The following DENND4C variants were observed in gnomAD, a reference collection of about 807,000 sequenced individuals.
DENND4C encodes the protein DENN domain-containing protein 4C.
Under a neutral mutation model 203.0 loss-of-function variants are expected in DENND4C, and 108 were observed. The ratio of observed to expected loss-of-function variants is 0.53; its 90% CI spans 0.46 to 0.62. DENND4C has a LOEUF of 0.62. DENND4C is among the 20% of genes least tolerant of loss of function. DENND4C has a pLI of 0.00. For missense variants in DENND4C, 2,481 were observed against 2,301.2 expected, an observed-to-expected ratio of 1.08 and a Z score of -1.60; for synonymous variants, 871 against 792.4, an observed-to-expected ratio of 1.10 and a Z score of -1.67.
chr9:19,341,307 CTTTCTTTTTT>C (rs1396771878), intron 21 of DENND4C, among the ~76,000 whole-genome samples, 193 bp downstream of exon 21: 1 of 132,670 alleles, frequency 7.5e-6, no homozygotes, highest in African/African-American at 2.9e-5. Flanking sequence ...AACTTTCTTT[CTTTCTTTTTT>C]TTTTTTTTTT....
At position 19,360,624 on chromosome 9, in the gene DENND4C, G is replaced by A. The variant is rs1826260512; in HGVS notation, c.5406+135G>A. ...TCTCACTTAAAAGTTTGGATAAGCA[G>A]TCCTGGAATGGTAAAGTGTTAGGAA... On this transcript the variant is annotated intron_variant, in intron 29 of 32. Coordinates refer to ENST00000434457, the MANE Select transcript of DENND4C (RefSeq NM_001330640.2). The A allele has an allele frequency of 6.0e-6, 7 of 1,172,222 alleles. No individual in the cohort carries two copies. In the South Asian group the frequency reaches 9.8e-5, roughly 16 times the overall value. 72.6% of individuals were successfully genotyped at this position (1,172,222 alleles called of 1,614,324 possible).
rs181056489 is a variant in DENND4C at position 19,373,095 on chromosome 9, C to T, written c.*922C>T. On this transcript the variant is annotated 3_prime_UTR_variant, in exon 33 of 33. Transcript: ENST00000434457. ...TACCTGAAAATCTGATGACAGCTGC[C>T]TTCCCTAACTTTAATGTATTAGGTT... 3 of 152,192 alleles carry T rather than the reference C, an allele frequency of 2.0e-5. No homozygotes were observed. The highest frequency in any genetic ancestry group is 1.3e-4 in the Admixed American group (2 of 15,286). The allele number at this position is 152,192 out of a possible 1,614,324, so 9.4% of individuals were successfully genotyped here.
intron 16 of DENND4C, among the ~76,000 whole-genome samples, chr9:19,329,739 C>T (rs1388624166): frequency 6.6e-6 from 1 of 152,090 alleles, no homozygotes; most frequent in Non-Finnish European, 1.5e-5. Flanking sequence ...TGGTTATAAC[C>T]ATCTAGTGAG....
At chr9:19,334,759 C>T (rs1024158325) in intron 17 of DENND4C, among the ~76,000 whole-genome samples, 1 of 152,122 alleles carries the variant, frequency 6.6e-6, no homozygotes, top group Non-Finnish European at 1.5e-5. Flanking sequence ...CTCCTGACCT[C>T]AGGTGATCCA....
intron 1 of DENND4C, among the ~76,000 whole-genome samples, chr9:19,241,141 A>G (rs565870491): frequency 6.6e-6 from 1 of 152,310 alleles, no homozygotes; most frequent in Admixed American, 6.5e-5. Context: ...GGCCTAGGAT[A>G]TTACTGTGCC....
chr9:19,313,612 A>G (rs1841174560), intron 10 of DENND4C, among the ~76,000 whole-genome samples: 1 of 152,228 alleles, frequency 6.6e-6, no homozygotes. Context: ...CTTTTAAGAC[A>G]CAGTTTCAAG....
intron 2 of DENND4C, among the ~76,000 whole-genome samples, chr9:19,278,932 T>G (rs192609160): frequency 2.0e-5 from 3 of 152,226 alleles, no homozygotes; most frequent in Admixed American, 1.3e-4. Flanking sequence ...CTATTCAAAT[T>G]GTAGCCCATG....
rs548633684 is a variant in DENND4C, at chr9:19,299,085, C to T, written c.1108-144C>T. 4 of 569,066 alleles carry T rather than the reference C, an allele frequency of 7.0e-6. No individual in the cohort carries two copies. The African/African-American group carries it at 8.0e-5, about 11-fold the overall frequency. The allele number at this position is 569,066 out of a possible 1,614,324, so 35.3% of individuals were successfully genotyped here. On this transcript the variant is annotated intron_variant, in intron 7 of 32. Transcript: ENST00000434457. The stretch of plus-strand genomic sequence containing the variant: ...CATTTTATATTTTAGTACCTGTTTC[C>T]AAAAGTGTGTTTGCATATTAAATTA...
intron 5 of DENND4C, chr9:19,291,576 A>C (rs1295542627): frequency 6.6e-6 from 1 of 151,958 alleles, no homozygotes; most frequent in African/African-American, 2.4e-5. Context: ...TTGGTGGTAC[A>C]CGCCTGTAAT....
At chr9:19,350,222 C>A (rs1823776717) in intron 23 of DENND4C, among the ~76,000 whole-genome samples, 1 of 152,168 alleles carries the variant, frequency 6.6e-6, no homozygotes, top group South Asian at 2.1e-4. Context: ...ATTATCACAG[C>A]AGCTTTATTT....
chr9:19,315,898 G>A (rs1425434966), intron 10 of DENND4C, among the ~76,000 whole-genome samples: 1 of 151,924 alleles, frequency 6.6e-6, no homozygotes, highest in African/African-American at 2.4e-5. Flanking sequence ...TAGAGACGGG[G>A]TTTCACCATG....
At chr9:19,242,499 A>C (rs927676532) in intron 1 of DENND4C, among the ~76,000 whole-genome samples, 3 of 152,206 alleles carry the variant, frequency 2.0e-5, no homozygotes, top group African/African-American at 7.2e-5. Flanking sequence ...AGAAACTGCC[A>C]AACTGCCTTC....
At chr9:19,239,302 G>T (rs1823090310) in intron 1 of DENND4C, among the ~76,000 whole-genome samples, 2 of 151,882 alleles carry the variant, frequency 1.3e-5, no homozygotes, top group African/African-American at 4.8e-5. Context: ...TTTTCATTCA[G>T]TTCAAAATAT....
intron 1 of DENND4C, among the ~76,000 whole-genome samples, chr9:19,264,464 G>C (rs761302683): frequency 1.3e-5 from 2 of 152,010 alleles, no homozygotes; most frequent in African/African-American, 4.8e-5. Flanking sequence ...CTGCCACCAT[G>C]CCTGGCTAAT....
chr9:19,271,796 C>T (rs765983829), intron 1 of DENND4C, among the ~76,000 whole-genome samples: 30 of 148,808 alleles, frequency 2.0e-4, no homozygotes, highest in Non-Finnish European at 3.8e-4. Context: ...ACCTGGGAGG[C>T]GAACGAAGGT....
chr9:19,265,225 C>G (rs1216393077), intron 1 of DENND4C, among the ~76,000 whole-genome samples: 1 of 151,868 alleles, frequency 6.6e-6, no homozygotes, highest in Non-Finnish European at 1.5e-5. Context: ...CCATGTTGTC[C>G]AGGCTGGTCT....
chr9:19,290,329 T>C (rs1483494220), intron 4 of DENND4C, among the ~76,000 whole-genome samples: 1 of 152,230 alleles, frequency 6.6e-6, no homozygotes. Flanking sequence ...AACACTTGTC[T>C]CTTCCCTGAA....
intron 10 of DENND4C, among the ~76,000 whole-genome samples, chr9:19,309,740 T>C (rs1042251004): frequency 6.6e-6 from 1 of 152,114 alleles, no homozygotes; most frequent in African/African-American, 2.4e-5. Flanking sequence ...TTTTACCTTT[T>C]AAATTTTTTT....
intron 30 of DENND4C, among the ~76,000 whole-genome samples, chr9:19,365,560 G>A (rs76319557): frequency 0.028 from 4,241 of 151,914 alleles, 195 homozygotes; most frequent in African/African-American, 0.096. Flanking sequence ...AAAAGAAAAG[G>A]CATCCAAACT....
Sources: allele counts gnomAD v4.1 joint callset (sites outside exome capture counted in the v4.1 genomes callset), GRCh38; gene constraint gnomAD v4.1.1; transcripts MANE v1.5; gene names NCBI Gene and HGNC (gene_info 2026-07-23, HGNC 2026-07-21).